The following IMMP2L variants were observed in gnomAD, a reference collection of about 807,000 sequenced individuals.
The protein encoded by IMMP2L is inner mitochondrial membrane peptidase subunit 2, also known as mitochondrial inner membrane protease subunit 2.
A neutral mutation model predicts 19.3 loss-of-function variants in IMMP2L; 18 were observed. The ratio of observed to expected loss-of-function variants is 0.93; its 90% confidence interval spans 0.64 to 1.38. IMMP2L has a LOEUF of 1.38. Among genes scored for constraint, IMMP2L ranks in the 40% most tolerant of loss-of-function variants. The probability of loss-of-function intolerance (pLI) is 0.00; values close to 1 mark genes in which losing one functional copy is unlikely to be tolerated. For missense variants in IMMP2L, 233 were observed against 218.2 expected (o/e 1.07, Z -0.43); for synonymous variants, 76 against 73.0 (o/e 1.04, Z -0.21).
At chr7:111,424,992 A>T (rs17158568) in intron 3 of IMMP2L, among the ~76,000 whole-genome samples, 3,568 of 151,810 alleles carry the variant, frequency 0.024, 213 homozygotes, top group African/African-American at 0.082. Context: ...CTCTAAATCC[A>T]GGTCATTAGT....
intron 3 of IMMP2L, among the ~76,000 whole-genome samples, chr7:111,357,878 C>G (rs1030542972): frequency 4.0e-5 from 6 of 151,850 alleles, no homozygotes; most frequent in African/African-American, 1.5e-4. Flanking sequence ...CTGAAAGTAA[C>G]CCAAGGGCAC....
At chr7:110,731,301 AT>A (rs1300878717) in intron 5 of IMMP2L, among the ~76,000 whole-genome samples, 2 of 152,238 alleles carry the variant, frequency 1.3e-5, no homozygotes, top group African/African-American at 4.8e-5. Context: ...ATCATAAAAA[AT>A]ATAAATATCT....
intron 3 of IMMP2L, among the ~76,000 whole-genome samples, chr7:111,048,613 T>C (rs1374004340): frequency 1.3e-5 from 2 of 152,238 alleles, no homozygotes; most frequent in African/African-American, 4.8e-5. Context: ...AGTCAATAAA[T>C]ATTTGTTGAA....
intron 3 of IMMP2L, among the ~76,000 whole-genome samples, chr7:111,391,645 A>G (rs1282549978): frequency 2.6e-5 from 4 of 152,164 alleles, no homozygotes; most frequent in Non-Finnish European, 5.9e-5. Flanking sequence ...TAAATAACCC[A>G]ACGTGAAAAT....
intron 3 of IMMP2L, among the ~76,000 whole-genome samples, chr7:111,114,858 G>T (rs573940395): frequency 1.3e-5 from 2 of 152,036 alleles, no homozygotes; most frequent in South Asian, 4.2e-4. Flanking sequence ...TTTTATTTTA[G>T]AAATGAAGTC....
At chr7:111,427,942 G>C (rs1274900050) in intron 3 of IMMP2L, among the ~76,000 whole-genome samples, 1 of 151,574 alleles carries the variant, frequency 6.6e-6, no homozygotes, top group Non-Finnish European at 1.5e-5. Flanking sequence ...ATATAATTTT[G>C]CTGGAATACT....
At chr7:111,113,809 T>G (rs1176237467) in intron 3 of IMMP2L, among the ~76,000 whole-genome samples, 3 of 152,136 alleles carry the variant, frequency 2.0e-5, no homozygotes, top group African/African-American at 7.2e-5. Context: ...TGGAAATTCC[T>G]TTGAAGATAA....
At chr7:111,339,505 C>T (rs1018347162) in intron 3 of IMMP2L, among the ~76,000 whole-genome samples, 3 of 151,780 alleles carry the variant, frequency 2.0e-5, no homozygotes, top group Non-Finnish European at 4.4e-5. Flanking sequence ...ACCAGCTTAG[C>T]CCTACACCGC....
At chr7:111,317,432 T>C (rs1824228616) in intron 3 of IMMP2L, among the ~76,000 whole-genome samples, 2 of 152,082 alleles carry the variant, frequency 1.3e-5, no homozygotes, top group Admixed American at 6.6e-5. Context: ...GATCCAACAT[T>C]ATATGGGCAA....
intron 3 of IMMP2L, among the ~76,000 whole-genome samples, chr7:111,485,554 C>T (rs545419143): frequency 2.1e-5 from 3 of 142,568 alleles, no homozygotes; most frequent in East Asian, 2.1e-4. Flanking sequence ...GCCGAGATCC[C>T]GCCACTGCAC....
At chr7:111,276,676 GA>G (rs1356493851) in intron 3 of IMMP2L, among the ~76,000 whole-genome samples, 6 of 148,600 alleles carry the variant, frequency 4.0e-5, no homozygotes, top group East Asian at 2.0e-4. Flanking sequence ...ATCCTAAGGG[GA>G]AAAAAAGCTA....
chr7:110,871,855 C>G (rs534237108), intron 5 of IMMP2L, among the ~76,000 whole-genome samples: 1 of 151,946 alleles, frequency 6.6e-6, no homozygotes, highest in Non-Finnish European at 1.5e-5. Context: ...TAAACAAAGA[C>G]CTCAGAATTT....
intron 3 of IMMP2L, among the ~76,000 whole-genome samples, chr7:111,057,967 G>A (rs537578273): frequency 6.6e-6 from 1 of 152,174 alleles, no homozygotes; most frequent in Non-Finnish European, 1.5e-5. Context: ...TGTATTATAT[G>A]TATTAAATGA....
At chr7:110,886,896 T>C (rs1281340132) in intron 4 of IMMP2L, among the ~76,000 whole-genome samples, 1 of 152,172 alleles carries the variant, frequency 6.6e-6, no homozygotes, top group African/African-American at 2.4e-5. Context: ...TTTATATTTC[T>C]ATAGGTAAGA....
At chr7:110,907,241 T>C (rs1812560280) in intron 4 of IMMP2L, among the ~76,000 whole-genome samples, 1 of 152,062 alleles carries the variant, frequency 6.6e-6, no homozygotes, top group African/African-American at 2.4e-5. Context: ...CCAGGAAGAA[T>C]GAGGTCAGAC....
At chr7:110,921,968 A>G (rs1433154828) in intron 4 of IMMP2L, among the ~76,000 whole-genome samples, 2 of 152,168 alleles carry the variant, frequency 1.3e-5, no homozygotes, top group Non-Finnish European at 1.5e-5. Context: ...AGTGTACTGC[A>G]AAGAGCTTGC....
intron 5 of IMMP2L, among the ~76,000 whole-genome samples, chr7:110,671,194 T>A (rs910838299): frequency 6.6e-6 from 1 of 152,188 alleles, no homozygotes. Context: ...GCCCACAGAT[T>A]GGAAATTCAT....
At chr7:111,315,650 G>A (rs1298808063) in intron 3 of IMMP2L, among the ~76,000 whole-genome samples, 1 of 150,650 alleles carries the variant, frequency 6.6e-6, no homozygotes, top group East Asian at 1.9e-4. Context: ...CTTCCTCACC[G>A]CCACGTAGTC....
chr7:111,199,889 G>A (rs1331969296), intron 3 of IMMP2L, among the ~76,000 whole-genome samples: 1 of 152,096 alleles, frequency 6.6e-6, no homozygotes, highest in Non-Finnish European at 1.5e-5. Context: ...GAAACTGGGT[G>A]TAGTTTTAAT....
Sources: gnomAD v4.1 joint callset for allele counts (sites outside exome capture counted in the v4.1 genomes callset) on GRCh38, gnomAD v4.1.1 for gene constraint, MANE v1.5 for transcripts, NCBI Gene and HGNC (gene_info 2026-07-23, HGNC 2026-07-21) for gene names.